The following SLC35F1 variants were observed in gnomAD, a reference collection of about 807,000 sequenced individuals.
SLC35F1 encodes chromosome 6 open reading frame 169.
In SLC35F1, 14 loss-of-function variants were observed where a neutral mutation model predicts 48.7. The observed-to-expected ratio is 0.29, with a 90% CI of 0.19 to 0.45. The LOEUF is 0.45. SLC35F1 is among the 20% of genes least tolerant of loss of function. SLC35F1 has a pLI of 1.00. For synonymous variants in SLC35F1, 190 were observed against 202.2 expected (o/e 0.94, Z 0.51); for missense variants, 404 against 500.0 (o/e 0.81, Z 1.83).
intron 2 of SLC35F1, among the ~76,000 whole-genome samples, chr6:118,185,072 C>G (rs1251860380): frequency 6.6e-6 from 1 of 152,118 alleles, no homozygotes; most frequent in African/African-American, 2.4e-5. Flanking sequence ...TTTTTTAAAG[C>G]TGCCAACAGA....
At chr6:117,972,013 G>A (rs1360814526) in intron 1 of SLC35F1, among the ~76,000 whole-genome samples, 2 of 152,190 alleles carry the variant, frequency 1.3e-5, no homozygotes, top group Non-Finnish European at 2.9e-5. Context: ...CCCAGAAAAA[G>A]GGTTTTTCTT....
chr6:118,152,823 T>G (rs1324268285), intron 1 of SLC35F1, among the ~76,000 whole-genome samples: 1 of 152,212 alleles, frequency 6.6e-6, no homozygotes, highest in Non-Finnish European at 1.5e-5. Flanking sequence ...TCAGCAGGCA[T>G]CTTTGCAGAT....
At chr6:118,253,530 G>A (rs1338321551) in intron 3 of SLC35F1, among the ~76,000 whole-genome samples, 1 of 152,052 alleles carries the variant, frequency 6.6e-6, no homozygotes, top group Non-Finnish European at 1.5e-5. Flanking sequence ...TGGGGTGAGA[G>A]CCAAAGAGTG....
At chr6:118,190,081 G>T (rs1000453229) in intron 2 of SLC35F1, among the ~76,000 whole-genome samples, 3 of 152,182 alleles carry the variant, frequency 2.0e-5, no homozygotes, top group African/African-American at 7.2e-5. Context: ...TATTTAGTTT[G>T]CTTTAACAAT....
intron 7 of SLC35F1, among the ~76,000 whole-genome samples, chr6:118,300,253 G>A (rs1776240516): frequency 6.6e-6 from 1 of 152,064 alleles, no homozygotes; most frequent in Non-Finnish European, 1.5e-5. Flanking sequence ...ATATCGTAGT[G>A]GGTATTATAT....
intron 2 of SLC35F1, among the ~76,000 whole-genome samples, chr6:118,169,854 G>A (rs746731647): frequency 5.3e-5 from 8 of 152,044 alleles, no homozygotes; most frequent in South Asian, 2.1e-4. Context: ...GCTCTATTCT[G>A]TGAGCCAAAA....
intron 2 of SLC35F1, among the ~76,000 whole-genome samples, chr6:118,169,970 GC>G (rs2114493888): frequency 6.6e-6 from 1 of 152,276 alleles, no homozygotes; most frequent in Non-Finnish European, 1.5e-5. Context: ...AGGAAAGGAG[GC>G]CAAAGATGTA....
intron 1 of SLC35F1, among the ~76,000 whole-genome samples, chr6:117,920,593 T>A (rs1420487874): frequency 1.3e-5 from 2 of 152,286 alleles, no homozygotes; most frequent in Middle Eastern, 3.4e-3. Flanking sequence ...CCAAGAATGC[T>A]AGATGGGAGG....
chr6:118,238,645 T>C (rs1478192876), intron 3 of SLC35F1, among the ~76,000 whole-genome samples: 2 of 152,058 alleles, frequency 1.3e-5, no homozygotes, highest in Non-Finnish European at 2.9e-5. Flanking sequence ...CATGAGATGG[T>C]TTTTAGCACA....
chr6:118,302,633 A>G (rs1027832877), intron 7 of SLC35F1, among the ~76,000 whole-genome samples: 4 of 152,210 alleles, frequency 2.6e-5, no homozygotes, highest in Non-Finnish European at 5.9e-5. Flanking sequence ...AAATTTGCTT[A>G]CATAATAATA....
chr6:118,171,886 C>A (rs1262488839), intron 2 of SLC35F1, among the ~76,000 whole-genome samples: 1 of 151,626 alleles, frequency 6.6e-6, no homozygotes, highest in East Asian at 1.9e-4. Flanking sequence ...TGAATTAGTG[C>A]AAAAAAAGGG....
At chr6:118,199,841 A>G (rs947183288) in intron 2 of SLC35F1, among the ~76,000 whole-genome samples, 1 of 152,252 alleles carries the variant, frequency 6.6e-6, no homozygotes, top group Middle Eastern at 3.2e-3. Flanking sequence ...ATAGCTGTCT[A>G]GCTAGACAGG....
chr6:118,316,916 G>GA lies in SLC35F1; in HGVS notation c.*2674dup, dbSNP rs201408373. 0.03 allele frequency: 4,538 copies of GA among 149,904 alleles called. 112 individuals are homozygous for GA. The highest frequency in any genetic ancestry group is 0.067 in the African/African-American group (2,742 of 40,878). 9.3% of individuals were successfully genotyped at this position (149,904 alleles called of 1,614,324 possible). A position where few individuals can be genotyped will look rare whatever the true frequency, so the allele number is the denominator to read the frequency against. On this transcript the variant is annotated 3_prime_UTR_variant, in exon 8 of 8. Transcript: ENST00000360388. ...CAGGAGTTCCAGACTGACCCTCCAG[G>GA]AAAAAAAAAATCGCAAAGAACAAAT...
intron 1 of SLC35F1, among the ~76,000 whole-genome samples, chr6:118,025,606 T>C (rs1409546724): frequency 2.6e-5 from 4 of 152,198 alleles, no homozygotes; most frequent in African/African-American, 9.7e-5. Context: ...ATTTCTCTAG[T>C]GTGAGAGATT....
At chr6:118,044,012 C>G (rs1446804194) in intron 1 of SLC35F1, among the ~76,000 whole-genome samples, 2 of 152,192 alleles carry the variant, frequency 1.3e-5, no homozygotes, top group African/African-American at 2.4e-5. Context: ...GCCAACAAAT[C>G]TCTTGATTGA....
intron 1 of SLC35F1, among the ~76,000 whole-genome samples, chr6:118,101,886 G>T (rs1178163598): frequency 6.6e-6 from 1 of 152,166 alleles, no homozygotes; most frequent in East Asian, 1.9e-4. Context: ...CTCTGAAATT[G>T]AAACCTCTCA....
intron 2 of SLC35F1, among the ~76,000 whole-genome samples, chr6:118,194,091 A>G (rs920417952): frequency 1.3e-5 from 2 of 152,300 alleles, no homozygotes; most frequent in African/African-American, 4.8e-5. Context: ...ATATATAACT[A>G]CACAGACAGA....
intron 1 of SLC35F1, among the ~76,000 whole-genome samples, chr6:118,153,293 T>C (rs1774090629): frequency 6.6e-6 from 1 of 152,204 alleles, no homozygotes; most frequent in Non-Finnish European, 1.5e-5. Flanking sequence ...CCAAAAGCGC[T>C]AGAAGATTTT....
chr6:118,190,155 C>T (rs2114521536), intron 2 of SLC35F1, among the ~76,000 whole-genome samples: 1 of 152,236 alleles, frequency 6.6e-6, no homozygotes, highest in Middle Eastern at 3.4e-3. Flanking sequence ...ATTGATGCCA[C>T]TATTACCTTG....
Sources: gnomAD v4.1 joint callset for allele counts (sites outside exome capture counted in the v4.1 genomes callset) on GRCh38, gnomAD v4.1.1 for gene constraint, MANE v1.5 for transcripts, NCBI Gene and HGNC (gene_info 2026-07-23, HGNC 2026-07-21) for gene names.